The following NFASC variants were observed in gnomAD, a reference collection of about 807,000 sequenced individuals.
The protein encoded by NFASC is neurofascin.
Under a neutral mutation model 147.5 loss-of-function variants are expected in NFASC, and 43 were observed. That is an observed-to-expected ratio of 0.29 (90% CI 0.23 to 0.38). NFASC has a LOEUF of 0.38. Among genes scored for constraint, NFASC ranks in the 10% least tolerant of loss-of-function variants. The probability of loss-of-function intolerance (pLI) is 1.00; values close to 1 mark genes in which losing one functional copy is unlikely to be tolerated. For synonymous variants in NFASC, 622 were observed against 665.5 expected, an observed-to-expected ratio of 0.93 and a Z score of 1.01; for missense variants, 1,320 against 1,689.0, an observed-to-expected ratio of 0.78 and a Z score of 3.83.
In NFASC at chr1:205,013,234, G is replaced by A. The variant is rs899375192; in HGVS notation, c.3491+368G>A. Among the ~76,000 whole-genome samples the A allele has an allele frequency of 6.6e-5, 10 of 152,158 alleles. No homozygotes were observed. In the East Asian group the frequency reaches 7.7e-4, roughly 12 times the overall value. Reference sequence around the variant, plus strand: ...ACATGAGCCCCAGGACCCTCTTGCCGTGAGATGAGCTCAGCTCTCATGCTG... The same window carrying A: ...ACATGAGCCCCAGGACCCTCTTGCCATGAGATGAGCTCAGCTCTCATGCTG... On this transcript the variant is annotated intron_variant, in intron 29 of 29. Coordinates refer to ENST00000339876, the MANE Select transcript of NFASC (RefSeq NM_001005388.3).
At chr1:204,929,105 C>T (rs1454544588) in intron 2 of NFASC, among the ~76,000 whole-genome samples, 1 of 152,016 alleles carries the variant, frequency 6.6e-6, no homozygotes, top group Non-Finnish European at 1.5e-5. Flanking sequence ...ACCAGGTGTC[C>T]CCCTCCACCC....
intron 3 of NFASC, among the ~76,000 whole-genome samples, chr1:204,947,980 G>A (rs11240316): frequency 0.94 from 142,269 of 151,992 alleles, 66,677 homozygotes; most frequent in East Asian, 1. Flanking sequence ...ACACTCACAC[G>A]TGCCCTCACA....
At chr1:204,949,833 A>G (rs2093993673) in intron 3 of NFASC, among the ~76,000 whole-genome samples, 1 of 152,266 alleles carries the variant, frequency 6.6e-6, no homozygotes, top group South Asian at 2.1e-4. Flanking sequence ...AAGCACATGC[A>G]CACTTCAGGT....
Position 204,957,669 on chromosome 1 carries a change from C to T in NFASC, c.549C>T (p.Ile183=), listed in dbSNP as rs2094491784. 2.5e-6 allele frequency: 4 copies of T among 1,614,040 alleles called. No individual in the cohort carries two copies. Among genetic ancestry groups the T allele is most frequent in the African/African-American group, 2.7e-5 (2 of 74,920 alleles). ...GCTTTCTTATAGCCATGGAGCCCAT[C>T]ACCCAAGACAAACGTGTCTCTCAGG... ...IFWMSSSMEP[I]TQDKRVSQGH... Residue 183 remains isoleucine (I), a synonymous_variant, in exon 8 of 30, where the codon ATC becomes ATT. Coordinates refer to ENST00000339876, the MANE Select transcript of NFASC (RefSeq NM_001005388.3).
At chr1:204,883,801 G>A (rs1558570956) in intron 1 of NFASC, among the ~76,000 whole-genome samples, 2 of 152,164 alleles carry the variant, frequency 1.3e-5, no homozygotes, top group South Asian at 4.1e-4. Context: ...CCACAGGCCT[G>A]AGCCACTGGA....
chr1:204,846,529 C>A (rs1677079509), intron 1 of NFASC, among the ~76,000 whole-genome samples: 1 of 152,094 alleles, frequency 6.6e-6, no homozygotes. Context: ...TAGCCTAGTT[C>A]TCTCCTGGGC....
Position 204,968,067 on chromosome 1 carries a change from G to A in NFASC, c.707-182G>A. ...AGCTCCTCTCTCTCATGTAGGTGGG[G>A]CTGAGGAGCCCTGGGCTTCCTAACA... On this transcript the variant is annotated intron_variant, in intron 8 of 29. Coordinates refer to ENST00000339876, the MANE Select transcript of NFASC (RefSeq NM_001005388.3). The surrounding 1 kb of genome is among the most constrained non-coding windows in gnomAD (Gnocchi z 5.4). The A allele has an allele frequency of 1.7e-6, 1 of 574,356 alleles. No individual in the cohort carries two copies. The allele number at this position is 574,356 out of a possible 1,614,324, so 35.6% of individuals were successfully genotyped here.
At chr1:204,984,566 C>T (rs189317617) in intron 21 of NFASC, among the ~76,000 whole-genome samples, 23 of 151,972 alleles carry the variant, frequency 1.5e-4, no homozygotes, top group African/African-American at 5.3e-4. Flanking sequence ...GTTGAGGCAC[C>T]GCTGAGCTAC....
intron 1 of NFASC, chr1:204,870,688 G>A (rs1234959334): frequency 1.1e-5 from 12 of 1,079,686 alleles, no homozygotes; most frequent in Admixed American, 4.8e-5. Flanking sequence ...TGAGCAAGCC[G>A]GCCGAGGGAG....
At position 204,988,751 on chromosome 1, in the gene NFASC, G is replaced by T. The variant is rs767265164; in HGVS notation, c.2712G>T (p.Thr904=). The change falls in exon 23 of 30, where the codon ACG becomes ACT. Residue 904 remains threonine (T), a synonymous_variant. Coordinates refer to ENST00000339876, the MANE Select transcript of NFASC (RefSeq NM_001005388.3). Reference sequence around the variant, plus strand: ...ACCGCTTTACCCTCAGCGCCAGGACGCAGGTGGGCTCTGGGGAAGCCGTCA... The same window carrying T: ...ACCGCTTTACCCTCAGCGCCAGGACTCAGGTGGGCTCTGGGGAAGCCGTCA... ...SRYRFTLSAR[T]QVGSGEAVTE... 34 of 1,614,114 alleles carry T rather than the reference G, an allele frequency of 2.1e-5. No homozygotes were observed. Among genetic ancestry groups the T allele is most frequent in the Non-Finnish European group, 2.5e-5 (30 of 1,180,056 alleles).
chr1:205,018,851 A>G lies in NFASC; in HGVS notation c.*2312A>G, dbSNP rs894266080. 2 of 152,292 alleles carry G rather than the reference A, an allele frequency of 1.3e-5. No individual in the cohort carries two copies. The highest frequency in any genetic ancestry group is 4.8e-5 in the African/African-American group (2 of 41,444). The allele number at this position is 152,292 out of a possible 1,614,324, so 9.4% of individuals were successfully genotyped here. On this transcript the variant is annotated 3_prime_UTR_variant, in exon 30 of 30. Transcript: ENST00000339876. ...CTTAGGGCAGGAAGGGACGATGAGC[A>G]AGTCTGCCACACCACCTGGTGACTG...
chr1:204,942,712 T>C (rs2093442510), intron 2 of NFASC, among the ~76,000 whole-genome samples: 1 of 152,056 alleles, frequency 6.6e-6, no homozygotes, highest in African/African-American at 2.4e-5. Flanking sequence ...AACTCTGGCA[T>C]GAAATGTTGG....
chr1:204,985,232 A>G (rs535199804), intron 21 of NFASC, among the ~76,000 whole-genome samples: 3 of 152,246 alleles, frequency 2.0e-5, no homozygotes, highest in Admixed American at 2.0e-4. Flanking sequence ...TTGTTGCCCA[A>G]ACTCATTCCA....
intron 1 of NFASC, among the ~76,000 whole-genome samples, chr1:204,905,188 C>T (rs563880266): frequency 6.6e-6 from 1 of 152,100 alleles, no homozygotes; most frequent in Non-Finnish European, 1.5e-5. Context: ...GGGCTCGAGT[C>T]ATCCTCCTGC....
chr1:204,871,804 C>T (rs979648636), intron 1 of NFASC, among the ~76,000 whole-genome samples: 1 of 152,218 alleles, frequency 6.6e-6, no homozygotes, highest in Admixed American at 6.5e-5. Flanking sequence ...GCTTATGTCA[C>T]CTGGTCTGGC....
chr1:205,012,772 G>GTCTT lies in NFASC; in HGVS notation c.3422-23_3422-20dup, dbSNP rs1370370818. On this transcript the variant is annotated intron_variant, in intron 28 of 29. Transcript: ENST00000339876. ...GCATGTACTTAATCGTCGTGTCTGT[G>GTCTT]TCTTTGCTTCTCCTTTTGACCAAGT... The GTCTT allele has an allele frequency of 8.3e-6, 13 of 1,575,706 alleles. No individual in the cohort carries two copies. In the African/African-American group the frequency reaches 1.8e-4, roughly 21 times the overall value.
chr1:204,974,864 A>G (rs2794861), intron 14 of NFASC, 41 bp downstream of exon 14: 1,572,548 of 1,600,006 alleles, frequency 0.98, 774,330 homozygotes, highest in Non-Finnish European at 0.99. Context: ...GGAGAGGGAC[A>G]AGGAGGCCAT....
At chr1:204,871,957 G>T (rs2077783021) in intron 1 of NFASC, among the ~76,000 whole-genome samples, 1 of 152,240 alleles carries the variant, frequency 6.6e-6, no homozygotes, top group Non-Finnish European at 1.5e-5. Flanking sequence ...GAGGCTGATG[G>T]AAGGGACAGT....
intron 1 of NFASC, among the ~76,000 whole-genome samples, chr1:204,868,900 G>A (rs1291403609): frequency 6.6e-6 from 1 of 152,200 alleles, no homozygotes; most frequent in Admixed American, 6.5e-5. Flanking sequence ...TAACCCCTCT[G>A]TACCTTGCTG....
Sources: allele counts gnomAD v4.1 joint callset (sites outside exome capture counted in the v4.1 genomes callset), GRCh38; gene constraint gnomAD v4.1.1; non-coding constraint Gnocchi (gnomAD v3.1); transcripts MANE v1.5; gene names NCBI Gene and HGNC (gene_info 2026-07-23, HGNC 2026-07-21).